CLDN14: variants seen among roughly 807,000 people sequenced by gnomAD.
CLDN14 encodes claudin-14.
In CLDN14, 2 loss-of-function variants were observed where a neutral mutation model predicts 2.1. The observed-to-expected ratio is 0.96, with a 90% CI of 0.39 to 3.01. The LOEUF is 3.01. Among genes scored for constraint, CLDN14 ranks in the 30% most tolerant of loss-of-function variants. The pLI is 0.09. For missense variants in CLDN14, 298 were observed against 328.0 expected (o/e 0.91, Z 0.71); for synonymous variants, 136 against 154.4 (o/e 0.88, Z 0.88).
chr21:36,532,316 A>T (rs1046268804), intron 1 of CLDN14: 3 of 152,084 alleles, frequency 2.0e-5, no homozygotes, highest in Non-Finnish European at 4.4e-5. Flanking sequence ...ATGGAGAAAG[A>T]CTTTCACCCA....
At chr21:36,555,973 T>C (rs190890927) in intron 1 of CLDN14, among the ~76,000 whole-genome samples, 1 of 152,220 alleles carries the variant, frequency 6.6e-6, no homozygotes, top group African/African-American at 2.4e-5. Context: ...TTTGATCATT[T>C]CCCATCCCAC....
At chr21:36,521,347 G>T (rs1355620593) in intron 1 of CLDN14, among the ~76,000 whole-genome samples, 1 of 152,132 alleles carries the variant, frequency 6.6e-6, no homozygotes, top group African/African-American at 2.4e-5. Flanking sequence ...TAAAGCTAGG[G>T]CATGAATGGG....
chr21:36,534,749 T>C (rs1369998633), intron 1 of CLDN14, among the ~76,000 whole-genome samples: 1 of 152,228 alleles, frequency 6.6e-6, no homozygotes, highest in African/African-American at 2.4e-5. Context: ...CACCCAGCTC[T>C]GGGTTCAATC....
chr21:36,475,481 T>C (rs2086766612), intron 1 of CLDN14, among the ~76,000 whole-genome samples: 1 of 152,228 alleles, frequency 6.6e-6, no homozygotes, highest in Non-Finnish European at 1.5e-5. Context: ...GTGGGGTCCA[T>C]GCATGGGAAT....
At chr21:36,523,148 A>C (rs2087285309) in intron 1 of CLDN14, among the ~76,000 whole-genome samples, 1 of 152,162 alleles carries the variant, frequency 6.6e-6, no homozygotes, top group South Asian at 2.1e-4. Flanking sequence ...GGAGTCCCAG[A>C]CTTGAGGGCT....
At chr21:36,491,490 C>T (rs962955831) in intron 2 of CLDN14, among the ~76,000 whole-genome samples, 3 of 152,146 alleles carry the variant, frequency 2.0e-5, no homozygotes, top group East Asian at 1.9e-4. Context: ...TTAATTTCCG[C>T]GTACTTTTTG....
intron 2 of CLDN14, among the ~76,000 whole-genome samples, chr21:36,505,087 G>A (rs770420747): frequency 3.9e-5 from 6 of 152,108 alleles, no homozygotes; most frequent in South Asian, 2.1e-4. Flanking sequence ...TTCCAGAGAC[G>A]TGCTTAGAGC....
At chr21:36,526,665 C>A (rs1417694631) in intron 1 of CLDN14, 1 of 152,140 alleles carries the variant, frequency 6.6e-6, no homozygotes, top group Non-Finnish European at 1.5e-5. Context: ...ATGGAGTGTT[C>A]ATTCAAATAA....
At chr21:36,507,952 AT>A (rs1272751036) in intron 2 of CLDN14, among the ~76,000 whole-genome samples, 5 of 152,166 alleles carry the variant, frequency 3.3e-5, no homozygotes, top group Admixed American at 2.0e-4. Flanking sequence ...GTTGTATATA[AT>A]TACCACATAT....
At chr21:36,494,167 C>G (rs889158144) in intron 2 of CLDN14, among the ~76,000 whole-genome samples, 1 of 152,196 alleles carries the variant, frequency 6.6e-6, no homozygotes, top group Non-Finnish European at 1.5e-5. Flanking sequence ...ACCGGGAGAC[C>G]ATCTTCTCTC....
intron 1 of CLDN14, among the ~76,000 whole-genome samples, chr21:36,566,867 G>A (rs769318375): frequency 2.0e-5 from 3 of 152,200 alleles, no homozygotes; most frequent in Non-Finnish European, 4.4e-5. Flanking sequence ...CATAAATCAG[G>A]GGGCTCACGT....
At chr21:36,505,377 C>A (rs557750502) in intron 2 of CLDN14, among the ~76,000 whole-genome samples, 5 of 152,282 alleles carry the variant, frequency 3.3e-5, no homozygotes, top group Admixed American at 2.6e-4. Context: ...ACAGCCCACC[C>A]CAAGCTGCTG....
intron 2 of CLDN14, among the ~76,000 whole-genome samples, chr21:36,489,089 AAC>A (rs1267898930): frequency 1.4e-5 from 2 of 143,896 alleles, no homozygotes; most frequent in African/African-American, 5.2e-5. Flanking sequence ...CAGCCTGGGC[AAC>A]AGAGTGAGTG....
At chr21:36,489,131 A>ATATATATATATATATATAT (rs1555847002) in intron 2 of CLDN14, among the ~76,000 whole-genome samples, 1 of 62,738 alleles carries the variant, frequency 1.6e-5, no homozygotes, top group African/African-American at 5.9e-5. Flanking sequence ...AAAAAAAAAA[A>ATATATATATATATATATAT]ATATATATAT....
intron 1 of CLDN14, among the ~76,000 whole-genome samples, chr21:36,468,316 C>T (rs2086670923): frequency 6.6e-6 from 1 of 152,204 alleles, no homozygotes; most frequent in Admixed American, 6.5e-5. Context: ...GTGGCTCACA[C>T]TTGTAATCCC....
intron 2 of CLDN14, among the ~76,000 whole-genome samples, chr21:36,504,795 A>C (rs1041192414): frequency 6.6e-6 from 1 of 152,236 alleles, no homozygotes; most frequent in Non-Finnish European, 1.5e-5. Flanking sequence ...ATAAGAAGTA[A>C]AACTTGAAGG....
At chr21:36,488,397 G>A (rs532765116) in intron 2 of CLDN14, among the ~76,000 whole-genome samples, 7 of 152,068 alleles carry the variant, frequency 4.6e-5, no homozygotes, top group South Asian at 4.2e-4. Flanking sequence ...TCAGCCTCCC[G>A]AGTAGCTGGG....
At chr21:36,523,905 A>T (rs1441076994) in intron 1 of CLDN14, among the ~76,000 whole-genome samples, 2 of 152,028 alleles carry the variant, frequency 1.3e-5, no homozygotes, top group East Asian at 3.9e-4. Flanking sequence ...CCACTCCGAG[A>T]TGCTCCAGCC....
chr21:36,532,609 A>T (rs186764488), intron 1 of CLDN14, among the ~76,000 whole-genome samples: 25 of 151,220 alleles, frequency 1.7e-4, no homozygotes, highest in East Asian at 1.5e-3. Flanking sequence ...TAATAAAATT[A>T]AAAAAAAAGT....
Sources: allele counts gnomAD v4.1 joint callset (sites outside exome capture counted in the v4.1 genomes callset), GRCh38; gene constraint gnomAD v4.1.1; transcripts MANE v1.5; gene names NCBI Gene and HGNC (gene_info 2026-07-23, HGNC 2026-07-21).